The following USP34 variants were observed in gnomAD, a reference collection of about 807,000 sequenced individuals.
USP34 encodes ubiquitin specific peptidase 34.
In USP34, 70 loss-of-function variants were observed where a neutral mutation model predicts 460.3. The observed-to-expected ratio is 0.15, with a 90% CI of 0.13 to 0.19. The LOEUF is 0.19. Among genes scored for constraint, USP34 ranks in the 10% least tolerant of loss-of-function variants. USP34 has a pLI of 1.00. For missense variants in USP34, 3,985 were observed against 4,236.2 expected (o/e 0.94, Z 1.65); for synonymous variants, 1,647 against 1,405.3 (o/e 1.17, Z -3.85).
intron 10 of USP34, among the ~76,000 whole-genome samples, chr2:61,352,282 A>G (rs1300934582): frequency 6.6e-6 from 1 of 152,026 alleles, no homozygotes; most frequent in Non-Finnish European, 1.5e-5. Context: ...TTCTACTTAA[A>G]ATATGATAAA....
At chr2:61,369,310 A>C (rs1264892448) in intron 10 of USP34, among the ~76,000 whole-genome samples, 1 of 152,180 alleles carries the variant, frequency 6.6e-6, no homozygotes, top group Non-Finnish European at 1.5e-5. Flanking sequence ...GATGAAATGA[A>C]TGTGTTAGAA....
intron 8 of USP34, among the ~76,000 whole-genome samples, chr2:61,375,480 T>A (rs1300253121): frequency 6.6e-6 from 1 of 152,004 alleles, no homozygotes; most frequent in African/African-American, 2.4e-5. Context: ...AATCAAAAAG[T>A]AGAAACAGGC....
At chr2:61,318,409 G>A (rs373764072) in intron 22 of USP34, among the ~76,000 whole-genome samples, 5 of 152,070 alleles carry the variant, frequency 3.3e-5, no homozygotes, top group African/African-American at 4.8e-5. Context: ...GTCAGAGGTC[G>A]AAATTTAAGA....
intron 78 of USP34, 55 bp from the exon 79 acceptor site, chr2:61,189,124 G>GTTGT: frequency 1.9e-6 from 3 of 1,540,162 alleles, no homozygotes; most frequent in Non-Finnish European, 8.8e-7. Context: ...CTTTGATGCA[G>GTTGT]TTGTTTACAG....
intron 1 of USP34, among the ~76,000 whole-genome samples, chr2:61,464,153 G>C (rs149354483): frequency 2.6e-5 from 4 of 152,036 alleles, no homozygotes; most frequent in African/African-American, 4.8e-5. Flanking sequence ...AATTAGTCTC[G>C]ACTAAAAATA....
intron 65 of USP34, 96 bp downstream of exon 65, chr2:61,222,523 T>C (rs1288041016): frequency 2.1e-6 from 2 of 934,066 alleles, no homozygotes; most frequent in Non-Finnish European, 1.7e-6. Flanking sequence ...GGAGAAACCC[T>C]GATAAATTTG....
In USP34 at chr2:61,214,200, G is replaced by A. The variant is rs1385434429; in HGVS notation, c.8542C>T (p.Arg2848Cys). 6 of 1,614,042 alleles carry A rather than the reference G, an allele frequency of 3.7e-6. No individual in the cohort carries two copies. Among genetic ancestry groups the A allele is most frequent in the African/African-American group, 2.7e-5 (2 of 74,904 alleles). ...CCATAGTACGCTGGCAGCATCCCAC[G>A]GTTAAAAAGCACCACATCCTGATCA... ...HDDQDVVLFNRGMLPAYYGIL... is the reference protein window; with the variant it reads ...HDDQDVVLFNCGMLPAYYGIL... Residue 2848 changes from arginine (R) to cysteine (C), a missense_variant, in exon 68 of 80, where the codon CGT becomes TGT. Transcript: ENST00000398571.
At chr2:61,349,395 C>T in intron 12 of USP34, 110 bp from the exon 13 acceptor site, 1 of 1,134,200 alleles carries the variant, frequency 8.8e-7, no homozygotes, top group South Asian at 1.5e-5. Flanking sequence ...AGTGGAGAAA[C>T]CTGCAATAAG....
intron 30 of USP34, among the ~76,000 whole-genome samples, chr2:61,295,583 G>A (rs1326137570): frequency 6.6e-6 from 1 of 152,166 alleles, no homozygotes; most frequent in Non-Finnish European, 1.5e-5. Context: ...TTGTGATCTA[G>A]TTGAGTGGGT....
chr2:61,327,523 C>T (rs1572938385), intron 20 of USP34, among the ~76,000 whole-genome samples: 1 of 152,294 alleles, frequency 6.6e-6, no homozygotes, highest in East Asian at 1.9e-4. Context: ...TGCGGTTTTA[C>T]GTTACTGTAT....
chr2:61,368,094 C>CTCTG (rs1692492842), intron 10 of USP34, among the ~76,000 whole-genome samples: 1 of 152,104 alleles, frequency 6.6e-6, no homozygotes, highest in African/African-American at 2.4e-5. Flanking sequence ...GATTACTGAA[C>CTCTG]TCTGCTGTTG....
At chr2:61,226,265 T>A (rs1484547874) in intron 62 of USP34, among the ~76,000 whole-genome samples, 1 of 152,246 alleles carries the variant, frequency 6.6e-6, no homozygotes, top group Non-Finnish European at 1.5e-5. Flanking sequence ...TTGTTTGACC[T>A]TACCTGGAAA....
At chr2:61,314,238 A>G (rs1690677571) in intron 25 of USP34, among the ~76,000 whole-genome samples, 1 of 151,770 alleles carries the variant, frequency 6.6e-6, no homozygotes, top group African/African-American at 2.4e-5. Context: ...GTTCTTGGTA[A>G]GAGTTTTAGA....
At chr2:61,230,013 G>A (rs4672426) in intron 58 of USP34, among the ~76,000 whole-genome samples, 55,218 of 151,832 alleles carry the variant, frequency 0.36, 10,028 homozygotes, top group African/African-American at 0.38. Flanking sequence ...CTAGGAGAAG[G>A]AAATGTGAGG....
chr2:61,301,187 T>C (rs765605342), intron 28 of USP34, 27 bp from the exon 29 acceptor site: 4 of 1,575,774 alleles, frequency 2.5e-6, no homozygotes, highest in East Asian at 2.2e-5. Flanking sequence ...AAAAAATTTA[T>C]GCATATCAAG....
At chr2:61,239,567 TA>T (rs1688185296) in intron 53 of USP34, among the ~76,000 whole-genome samples, 1 of 152,216 alleles carries the variant, frequency 6.6e-6, no homozygotes, top group Non-Finnish European at 1.5e-5. Flanking sequence ...ATGATTGAGA[TA>T]AATTTTTATA....
At chr2:61,424,800 TTC>T (rs1694462985) in intron 1 of USP34, among the ~76,000 whole-genome samples, 2 of 152,002 alleles carry the variant, frequency 1.3e-5, no homozygotes, top group East Asian at 1.9e-4. Flanking sequence ...TTTAAAGGAG[TTC>T]AGGAAATCCA....
chr2:61,429,879 T>C (rs1478985700), intron 1 of USP34, among the ~76,000 whole-genome samples: 1 of 149,784 alleles, frequency 6.7e-6, no homozygotes, highest in African/African-American at 2.5e-5. Context: ...CTGGCCAACA[T>C]GGTGACACCC....
At chr2:61,433,491 G>A (rs115009022) in intron 1 of USP34, among the ~76,000 whole-genome samples, 4,307 of 152,060 alleles carry the variant, frequency 0.028, 205 homozygotes, top group African/African-American at 0.099. Flanking sequence ...AAAATTAGCC[G>A]GGCGTGGTGG....
Sources: allele counts gnomAD v4.1 joint callset (sites outside exome capture counted in the v4.1 genomes callset), GRCh38; gene constraint gnomAD v4.1.1; transcripts MANE v1.5; gene names NCBI Gene and HGNC (gene_info 2026-07-23, HGNC 2026-07-21).